Variants in ANKS1B observed in about 807,000 individuals in gnomAD.
ANKS1B encodes the protein ankyrin repeat and sterile alpha motif domain containing 1B.
ANKS1B carries 36 observed loss-of-function variants against 148.3 expected under a neutral mutation model. That is an observed-to-expected ratio of 0.24 (90% CI 0.19 to 0.32). The LOEUF is 0.32. ANKS1B is among the 10% of genes least tolerant of loss of function. The probability of loss-of-function intolerance (pLI) is 1.00; values close to 1 mark genes in which losing one functional copy is unlikely to be tolerated. For synonymous variants in ANKS1B, 542 were observed against 560.8 expected (o/e 0.97, Z 0.47); for missense variants, 1,157 against 1,542.6 (o/e 0.75, Z 4.19).
At chr12:99,307,226 T>A (rs2082478433) in intron 12 of ANKS1B, among the ~76,000 whole-genome samples, 1 of 152,110 alleles carries the variant, frequency 6.6e-6, no homozygotes, top group Non-Finnish European at 1.5e-5. Context: ...GATATAATAT[T>A]TCAAATGGCC....
At chr12:99,544,590 C>T (rs1044954259) in intron 9 of ANKS1B, among the ~76,000 whole-genome samples, 6 of 152,142 alleles carry the variant, frequency 3.9e-5, no homozygotes, top group African/African-American at 1.4e-4. Flanking sequence ...ATTGCCACTG[C>T]CTATGAGCTG....
intron 4 of ANKS1B, among the ~76,000 whole-genome samples, chr12:99,805,278 A>AAAAAAAAAAAAAAAAAAAG (rs1413073883): frequency 6.8e-6 from 1 of 147,658 alleles, no homozygotes. Flanking sequence ...AAAAAAAAAA[A>AAAAAAAAAAAAAAAAAAAG]AAAAAAAAAA....
intron 25 of ANKS1B, among the ~76,000 whole-genome samples, chr12:98,761,614 A>G (rs774703453): frequency 1.3e-4 from 20 of 152,152 alleles, no homozygotes; most frequent in Admixed American, 1.1e-3. Flanking sequence ...GTATGTATAT[A>G]TATATTTTCA....
intron 11 of ANKS1B, among the ~76,000 whole-genome samples, chr12:99,433,084 C>T (rs2095405027): frequency 6.6e-6 from 1 of 152,000 alleles, no homozygotes; most frequent in Non-Finnish European, 1.5e-5. Flanking sequence ...AGGTCTAGGC[C>T]AGAGATGTTA....
intron 1 of ANKS1B, among the ~76,000 whole-genome samples, chr12:99,942,501 T>A (rs143172756): frequency 6.6e-5 from 10 of 151,924 alleles, no homozygotes; most frequent in Admixed American, 2.0e-4. Context: ...GATGGAACAA[T>A]AGCTTGAGGG....
At chr12:99,183,349 T>A (rs1485993321) in intron 14 of ANKS1B, among the ~76,000 whole-genome samples, 3 of 152,162 alleles carry the variant, frequency 2.0e-5, no homozygotes, top group Admixed American at 6.5e-5. Flanking sequence ...TAATGTCCAA[T>A]AAGAATCATT....
At chr12:99,855,760 C>T (rs1274786637) in intron 1 of ANKS1B, among the ~76,000 whole-genome samples, 3 of 151,904 alleles carry the variant, frequency 2.0e-5, no homozygotes, top group Admixed American at 6.6e-5. Flanking sequence ...CCAAAAGGAA[C>T]CCTCAAAACC....
At chr12:99,766,117 T>C (rs1467534269) in intron 8 of ANKS1B, among the ~76,000 whole-genome samples, 4 of 152,202 alleles carry the variant, frequency 2.6e-5, no homozygotes. Flanking sequence ...ATGATAATGG[T>C]TCATTTGCAA....
intron 17 of ANKS1B, among the ~76,000 whole-genome samples, chr12:98,912,594 C>T (rs1337781872): frequency 6.6e-6 from 1 of 152,168 alleles, no homozygotes; most frequent in Non-Finnish European, 1.5e-5. Context: ...GTTTTGAAGG[C>T]ACGAATGGTC....
chr12:98,758,034 G>T (rs968261880), intron 25 of ANKS1B, among the ~76,000 whole-genome samples: 1 of 152,060 alleles, frequency 6.6e-6, no homozygotes, highest in Non-Finnish European at 1.5e-5. Flanking sequence ...TCTTAAAATG[G>T]GGATAATACC....
intron 1 of ANKS1B, among the ~76,000 whole-genome samples, chr12:99,962,848 C>G (rs2095432871): frequency 7.3e-6 from 1 of 137,052 alleles, no homozygotes; most frequent in Non-Finnish European, 1.5e-5. Flanking sequence ...GAGTCTCGCT[C>G]TGTCGCCCAG....
chr12:99,244,399 T>C lies in ANKS1B; in HGVS notation c.2362A>G (p.Ser788Gly). ...TTGTTGATTCCAACATCTATGGAAC[T>C]CATTATTTTGTCAATCTGTAAGAAA... The part of the protein sequence containing the change: ...SEWEEIDKIM[S>G]SIDVGINNEL... The change falls in exon 14 of 27, where the codon AGT (serine) becomes GGT (glycine). Residue 788 changes from serine (S) to glycine (G), a missense_variant. By Grantham distance (56) the Ser-to-Gly change is moderately conservative. Transcript: ENST00000683438. 1.2e-6 allele frequency: 2 copies of C among 1,604,970 alleles called. No homozygotes were observed. Among genetic ancestry groups the C allele is most frequent in the Admixed American group, 1.7e-5 (1 of 57,628 alleles).
At chr12:98,832,849 C>G (rs2099330100) in intron 17 of ANKS1B, among the ~76,000 whole-genome samples, 1 of 152,056 alleles carries the variant, frequency 6.6e-6, no homozygotes, top group Non-Finnish European at 1.5e-5. Flanking sequence ...GGTAAGCTCC[C>G]TGAGAGCAGG....
At chr12:99,771,110 A>G (rs1371728973) in intron 8 of ANKS1B, among the ~76,000 whole-genome samples, 1 of 152,078 alleles carries the variant, frequency 6.6e-6, no homozygotes, top group African/African-American at 2.4e-5. Context: ...AGCTTGAATC[A>G]TGGTCTCCAA....
chr12:99,076,339 A>G (rs541872037), intron 16 of ANKS1B, among the ~76,000 whole-genome samples: 1 of 152,016 alleles, frequency 6.6e-6, no homozygotes, highest in Admixed American at 6.5e-5. Flanking sequence ...TTAAGGCTGA[A>G]TTTTAGGGAA....
intron 10 of ANKS1B, among the ~76,000 whole-genome samples, chr12:99,470,110 G>A (rs916176731): frequency 1.3e-5 from 2 of 148,514 alleles, no homozygotes; most frequent in Admixed American, 6.7e-5. Context: ...CAGAGACTCT[G>A]TCTCTAATAA....
At chr12:99,155,213 T>C in intron 14 of ANKS1B, 1 of 1,106,880 alleles carries the variant, frequency 9.0e-7, no homozygotes, top group Non-Finnish European at 1.2e-6. Flanking sequence ...TCCTGTCTTT[T>C]CTTCTTCCTT....
chr12:99,222,515 C>T (rs2085286982), intron 14 of ANKS1B, among the ~76,000 whole-genome samples: 1 of 152,132 alleles, frequency 6.6e-6, no homozygotes, highest in Non-Finnish European at 1.5e-5. Flanking sequence ...ACTTGGGAGG[C>T]TGAGATAGGA....
chr12:98,803,529 C>T (rs1036649226), intron 20 of ANKS1B, among the ~76,000 whole-genome samples: 1 of 152,180 alleles, frequency 6.6e-6, no homozygotes, highest in Non-Finnish European at 1.5e-5. Flanking sequence ...TTCCAAAGAT[C>T]CTTTGATCCA....
Sources: gnomAD v4.1 joint callset for allele counts (sites outside exome capture counted in the v4.1 genomes callset) on GRCh38, gnomAD v4.1.1 for gene constraint, MANE v1.5 for transcripts, NCBI Gene and HGNC (gene_info 2026-07-23, HGNC 2026-07-21) for gene names.